Variants in TRIM44 observed in about 807,000 individuals in gnomAD.
TRIM44 encodes the protein tripartite motif containing 44.
In TRIM44, 13 loss-of-function variants were observed where a neutral mutation model predicts 37.4. That is an observed-to-expected ratio of 0.35 (90% CI 0.23 to 0.55). The LOEUF (loss-of-function observed/expected upper bound fraction) is 0.55. Ranked by LOEUF, TRIM44 falls within the 20% of genes least tolerant of loss-of-function variation. The pLI is 0.89. For missense variants in TRIM44, 426 were observed against 437.2 expected, an observed-to-expected ratio of 0.97 and a Z score of 0.23; for synonymous variants, 175 against 157.2, an observed-to-expected ratio of 1.11 and a Z score of -0.85.
intron 2 of TRIM44, among the ~76,000 whole-genome samples, chr11:35,700,973 A>C (rs934097888): frequency 6.6e-6 from 1 of 152,212 alleles, no homozygotes; most frequent in Non-Finnish European, 1.5e-5. Context: ...GTATAACTAC[A>C]CAGAAGATTC....
chr11:35,719,111 T>C (rs1852070986), intron 2 of TRIM44, among the ~76,000 whole-genome samples: 2 of 152,202 alleles, frequency 1.3e-5, no homozygotes, highest in Admixed American at 1.3e-4. Flanking sequence ...AGGAGCATGA[T>C]TGCTAGGTTC....
At chr11:35,665,548 G>A (rs375100093) in intron 1 of TRIM44, among the ~76,000 whole-genome samples, 1 of 134,932 alleles carries the variant, frequency 7.4e-6, no homozygotes, top group South Asian at 2.4e-4. Flanking sequence ...TTTTTCTATT[G>A]AGTTGTCTTT....
chr11:35,766,137 CTCTT>C (rs747112934), intron 4 of TRIM44, among the ~76,000 whole-genome samples: 2 of 152,208 alleles, frequency 1.3e-5, no homozygotes, highest in Non-Finnish European at 2.9e-5. Context: ...ACTTGTGTCT[CTCTT>C]CTTCCTATGT....
chr11:35,751,258 T>C (rs1052338850), intron 4 of TRIM44, among the ~76,000 whole-genome samples: 3 of 152,228 alleles, frequency 2.0e-5, no homozygotes, highest in Non-Finnish European at 4.4e-5. Flanking sequence ...GCCTCTTACA[T>C]CTAAAAGCTA....
At chr11:35,705,556 A>G (rs917040064) in intron 2 of TRIM44, among the ~76,000 whole-genome samples, 1 of 152,108 alleles carries the variant, frequency 6.6e-6, no homozygotes, top group Non-Finnish European at 1.5e-5. Context: ...AATTATAGCA[A>G]ACTGTCTCTC....
intron 4 of TRIM44, among the ~76,000 whole-genome samples, chr11:35,777,145 TG>T (rs764547556): frequency 2.0e-5 from 3 of 152,224 alleles, no homozygotes; most frequent in Non-Finnish European, 2.9e-5. Context: ...GCTCCTGTAT[TG>T]GGTGCATATA....
At chr11:35,760,397 C>G (rs79474024) in intron 4 of TRIM44, among the ~76,000 whole-genome samples, 1 of 152,216 alleles carries the variant, frequency 6.6e-6, no homozygotes, top group East Asian at 1.9e-4. Flanking sequence ...ATCTGTCACC[C>G]CTTTCTTTGA....
At chr11:35,792,542 G>A (rs183430159) in intron 4 of TRIM44, among the ~76,000 whole-genome samples, 2 of 152,202 alleles carry the variant, frequency 1.3e-5, no homozygotes, top group Non-Finnish European at 2.9e-5. Context: ...CCTGCTGGAT[G>A]TAGTTTTTAC....
At chr11:35,796,100 G>A (rs1414335055) in intron 4 of TRIM44, among the ~76,000 whole-genome samples, 1 of 152,096 alleles carries the variant, frequency 6.6e-6, no homozygotes, top group Non-Finnish European at 1.5e-5. Flanking sequence ...TTCATAACCC[G>A]CTGCCATATG....
intron 4 of TRIM44, among the ~76,000 whole-genome samples, chr11:35,755,301 T>A (rs572567399): frequency 6.6e-6 from 1 of 152,376 alleles, no homozygotes; most frequent in Non-Finnish European, 1.5e-5. Flanking sequence ...CATAAATGTC[T>A]TCTTTTGAGA....
chr11:35,783,185 T>C (rs1279205310), intron 4 of TRIM44, among the ~76,000 whole-genome samples: 1 of 152,174 alleles, frequency 6.6e-6, no homozygotes, highest in Non-Finnish European at 1.5e-5. Context: ...AAGGAGATAT[T>C]GACATAAGTT....
chr11:35,795,325 G>A (rs1853267411), intron 4 of TRIM44, among the ~76,000 whole-genome samples: 1 of 152,070 alleles, frequency 6.6e-6, no homozygotes, highest in Admixed American at 6.5e-5. Context: ...TCTGAATACA[G>A]TTTGGATAAT....
At chr11:35,696,040 C>A (rs1472944436) in intron 2 of TRIM44, among the ~76,000 whole-genome samples, 1 of 151,634 alleles carries the variant, frequency 6.6e-6, no homozygotes, top group African/African-American at 2.4e-5. Context: ...GATTTTGGTA[C>A]CCCATCAAAT....
intron 3 of TRIM44, 21 bp from the exon 4 acceptor site, chr11:35,735,405 T>A: frequency 6.2e-7 from 1 of 1,613,520 alleles, no homozygotes; most frequent in Non-Finnish European, 8.5e-7. Flanking sequence ...CTAATACTGT[T>A]TCTTTCTGTT....
chr11:35,716,819 G>A (rs1852044369), intron 2 of TRIM44, among the ~76,000 whole-genome samples: 1 of 152,054 alleles, frequency 6.6e-6, no homozygotes, highest in Non-Finnish European at 1.5e-5. Context: ...AAACTATTTG[G>A]GTTTAAAATC....
At chr11:35,755,474 A>G (rs1713737654) in intron 4 of TRIM44, among the ~76,000 whole-genome samples, 1 of 151,984 alleles carries the variant, frequency 6.6e-6, no homozygotes, top group Admixed American at 6.6e-5. Context: ...CTCTGAGGGT[A>G]GTTTCTTTTG....
chr11:35,737,403 C>T (rs1382048045), intron 4 of TRIM44, among the ~76,000 whole-genome samples: 1 of 151,600 alleles, frequency 6.6e-6, no homozygotes. Flanking sequence ...GGGAGACTTC[C>T]AGGCACAGTG....
intron 4 of TRIM44, among the ~76,000 whole-genome samples, chr11:35,786,622 C>G (rs1853133800): frequency 6.6e-6 from 1 of 152,186 alleles, no homozygotes; most frequent in Non-Finnish European, 1.5e-5. Context: ...GTCACTGACC[C>G]CTCTGAACCT....
intron 2 of TRIM44, among the ~76,000 whole-genome samples, chr11:35,725,517 G>A (rs1334089259): frequency 6.6e-6 from 1 of 151,996 alleles, no homozygotes. Context: ...TGTATTTTTA[G>A]TAGAGACAGG....
Sources: allele counts gnomAD v4.1 joint callset (sites outside exome capture counted in the v4.1 genomes callset), GRCh38; gene constraint gnomAD v4.1.1; transcripts MANE v1.5; gene names NCBI Gene and HGNC (gene_info 2026-07-23, HGNC 2026-07-21).